The following GGNBP2 variants were observed in gnomAD, a reference collection of about 807,000 sequenced individuals.
GGNBP2 encodes the protein gametogenetin binding protein 2.
A neutral mutation model predicts 85.9 loss-of-function variants in GGNBP2; 10 were observed. That is an observed-to-expected ratio of 0.12 (90% CI 0.07 to 0.20). GGNBP2 has a LOEUF of 0.20. Among genes scored for constraint, GGNBP2 ranks in the 10% least tolerant of loss-of-function variants. The probability of loss-of-function intolerance (pLI) is 1.00; values close to 1 mark genes in which losing one functional copy is unlikely to be tolerated. For missense variants in GGNBP2, 595 were observed against 857.8 expected (o/e 0.69, Z 3.83); for synonymous variants, 287 against 285.7 (o/e 1.00, Z -0.05).
chr17:36,561,712 C>T (rs1007290440), intron 5 of GGNBP2, among the ~76,000 whole-genome samples: 2 of 151,938 alleles, frequency 1.3e-5, no homozygotes, highest in African/African-American at 4.8e-5. Context: ...CAACCTCTGC[C>T]TCCTGGGTTC....
chr17:36,545,534 A>G, intron 1 of GGNBP2, 85 bp from the exon 2 acceptor site: 2 of 524,488 alleles, frequency 3.8e-6, no homozygotes, highest in South Asian at 5.2e-5. Context: ...GCTCTCCCGT[A>G]CCCTCCCGCT....
chr17:36,577,856 T>C, intron 6 of GGNBP2, 127 bp from the exon 7 acceptor site: 1 of 730,554 alleles, frequency 1.4e-6, no homozygotes. Flanking sequence ...ATGTTTTAAA[T>C]GTGTGTATGG....
chr17:36,555,370 C>G (rs1378986168), intron 3 of GGNBP2, among the ~76,000 whole-genome samples: 1 of 152,120 alleles, frequency 6.6e-6, no homozygotes, highest in African/African-American at 2.4e-5. Flanking sequence ...GATCCCTAGG[C>G]AAACCAAAAT....
At chr17:36,569,016 G>C (rs576247705) in intron 6 of GGNBP2, among the ~76,000 whole-genome samples, 22 of 152,090 alleles carry the variant, frequency 1.4e-4, no homozygotes, top group Non-Finnish European at 2.6e-4. Context: ...GCCTCCCGAA[G>C]TGCTGGGATT....
intron 2 of GGNBP2, among the ~76,000 whole-genome samples, chr17:36,550,545 A>C (rs972611524): frequency 6.6e-6 from 1 of 152,224 alleles, no homozygotes; most frequent in Non-Finnish European, 1.5e-5. Context: ...GTAAAACCAA[A>C]ATGACAGTGA....
chr17:36,574,800 G>A, intron 6 of GGNBP2: 1 of 659,492 alleles, frequency 1.5e-6, no homozygotes, highest in Non-Finnish European at 2.7e-6. Context: ...GGCTTGCAAG[G>A]GATGGTGTGG....
At chr17:36,565,195 A>G (rs564748110) in intron 5 of GGNBP2, among the ~76,000 whole-genome samples, 2 of 152,354 alleles carry the variant, frequency 1.3e-5, no homozygotes, top group South Asian at 2.1e-4. Flanking sequence ...ATTTAGTAAC[A>G]ATGAGATAAT....
intron 13 of GGNBP2, among the ~76,000 whole-genome samples, chr17:36,588,787 T>A (rs1354253924): frequency 6.6e-6 from 1 of 152,142 alleles, no homozygotes; most frequent in Non-Finnish European, 1.5e-5. Context: ...AAAGTTTTAA[T>A]GGTTGTAAAA....
chr17:36,553,168 G>T (rs899817894), intron 2 of GGNBP2, among the ~76,000 whole-genome samples: 1 of 152,062 alleles, frequency 6.6e-6, no homozygotes, highest in Non-Finnish European at 1.5e-5. Context: ...GGGAAATATA[G>T]GAACACATAC....
At chr17:36,563,409 A>G (rs1263316321) in intron 5 of GGNBP2, among the ~76,000 whole-genome samples, 1 of 152,134 alleles carries the variant, frequency 6.6e-6, no homozygotes, top group Non-Finnish European at 1.5e-5. Context: ...TGCTTCATTT[A>G]TCCACCTTTT....
In GGNBP2 at chr17:36,549,241, C is replaced by T. The variant is rs940797422; in HGVS notation, c.93+3424C>T. 4.6e-5 allele frequency among the ~76,000 whole-genome samples: 7 copies of T among 151,726 alleles called. No individual in the cohort carries two copies. The East Asian group carries it at 5.8e-4, about 13-fold the overall frequency. The stretch of plus-strand genomic sequence containing the variant: ...TTTTTGAGACACAGTCTCGCTCTGT[C>T]GCCCAGGCTGGAGTACAGTGGCCTG... On this transcript the variant is annotated intron_variant, in intron 2 of 13. Transcript: ENST00000613102.
chr17:36,568,977 G>A (rs2074495938), intron 6 of GGNBP2, among the ~76,000 whole-genome samples: 1 of 151,998 alleles, frequency 6.6e-6, no homozygotes, highest in Non-Finnish European at 1.5e-5. Context: ...GATGGTCTCA[G>A]TCTCCTGACT....
In GGNBP2 at chr17:36,582,588, T is replaced by C. The variant is rs1360597451; in HGVS notation, c.1215+1050T>C. On this transcript the variant is annotated intron_variant, in intron 9 of 13. Transcript: ENST00000613102. ...GCTTTTTGCTAGATTTGGGCATTTT[T>C]ACTATGCTTTTCCAGATGTGAGCTC... 3.3e-5 allele frequency: 5 copies of C among 152,258 alleles called. No homozygotes were observed. The Middle Eastern group carries it at 9.5e-3, about 289-fold the overall frequency. The allele number at this position is 152,258 out of a possible 1,614,324, so 9.4% of individuals were successfully genotyped here.
At chr17:36,586,016 G>A in intron 11 of GGNBP2, 34 bp from the exon 12 acceptor site, 2 of 1,613,646 alleles carry the variant, frequency 1.2e-6, no homozygotes, top group South Asian at 1.1e-5. Context: ...GCTGACTTAA[G>A]AACATAAATA....
At chr17:36,583,448 A>G (rs982385064) in intron 9 of GGNBP2, among the ~76,000 whole-genome samples, 11 of 152,048 alleles carry the variant, frequency 7.2e-5, no homozygotes, top group African/African-American at 2.7e-4. Context: ...TCACACAGAT[A>G]TTATATGGTA....
chr17:36,586,511 T>G, intron 12 of GGNBP2: 1 of 335,236 alleles, frequency 3.0e-6, no homozygotes. Context: ...GTGAAGTGAA[T>G]GTATATTGGC....
intron 6 of GGNBP2, among the ~76,000 whole-genome samples, chr17:36,574,256 G>A (rs2074554458): frequency 6.6e-6 from 1 of 152,066 alleles, no homozygotes; most frequent in Non-Finnish European, 1.5e-5. Context: ...ATGGTGCTGG[G>A]ACATTTGGTT....
intron 5 of GGNBP2, among the ~76,000 whole-genome samples, chr17:36,565,151 G>A (rs1306161117): frequency 2.0e-5 from 3 of 152,200 alleles, no homozygotes; most frequent in Non-Finnish European, 2.9e-5. Flanking sequence ...ATTAAATGCG[G>A]CCAAGTTATC....
chr17:36,555,280 C>T (rs956800335), intron 3 of GGNBP2, among the ~76,000 whole-genome samples: 5 of 152,112 alleles, frequency 3.3e-5, no homozygotes, highest in Non-Finnish European at 7.3e-5. Context: ...TTGTTTAATT[C>T]CTGAGAAATA....
Sources: allele counts gnomAD v4.1 joint callset (sites outside exome capture counted in the v4.1 genomes callset), GRCh38; gene constraint gnomAD v4.1.1; transcripts MANE v1.5; gene names NCBI Gene and HGNC (gene_info 2026-07-23, HGNC 2026-07-21).